Variants in CMTR1 observed in about 807,000 individuals in gnomAD.
CMTR1 encodes the protein cap methyltransferase 1.
CMTR1 carries 39 observed loss-of-function variants against 107.0 expected under a neutral mutation model. The ratio of observed to expected loss-of-function variants is 0.36; its 90% confidence interval spans 0.28 to 0.48. The LOEUF is 0.48. Ranked by LOEUF, CMTR1 falls within the 20% of genes least tolerant of loss-of-function variation. CMTR1 has a pLI of 0.99. For synonymous variants in CMTR1, 366 were observed against 379.5 expected (o/e 0.96, Z 0.41); for missense variants, 672 against 1,064.9 (o/e 0.63, Z 5.14).
intron 4 of CMTR1, 54 bp from the exon 5 acceptor site, chr6:37,450,197 T>G: frequency 6.8e-7 from 1 of 1,461,588 alleles, no homozygotes; most frequent in South Asian, 1.1e-5. Flanking sequence ...TGAGTTGGGG[T>G]TTAGCTTTGA....
chr6:37,432,603 G>C (rs143980030), upstream of CMTR1, among the ~76,000 whole-genome samples: 3 of 152,362 alleles, frequency 2.0e-5, no homozygotes, highest in East Asian at 5.8e-4. Flanking sequence ...TGGACCAACA[G>C]GATGGATGGC....
upstream of CMTR1, among the ~76,000 whole-genome samples, chr6:37,431,626 T>G (rs1771375115): frequency 6.6e-6 from 1 of 152,116 alleles, no homozygotes; most frequent in Admixed American, 6.5e-5. Flanking sequence ...AGTGCTTTGA[T>G]AGTGGAAGGA....
At chr6:37,442,524 C>T (rs913678382) in intron 2 of CMTR1, among the ~76,000 whole-genome samples, 1 of 152,178 alleles carries the variant, frequency 6.6e-6, no homozygotes, top group African/African-American at 2.4e-5. Flanking sequence ...CAGACTGTGA[C>T]ATAGTTCCTG....
chr6:37,458,187 T>G lies in CMTR1; in HGVS notation c.778-425T>G, dbSNP rs886297797. 6.6e-6 allele frequency among the ~76,000 whole-genome samples: 1 copy of G among 151,996 alleles called. No homozygotes were observed. The highest frequency in any genetic ancestry group is 2.4e-5 in the African/African-American group (1 of 41,378). On this transcript the variant is annotated intron_variant, in intron 8 of 23. Transcript: ENST00000373451. The surrounding 1 kb of genome is among the most constrained non-coding windows in gnomAD (Gnocchi z 4.7). ...CTCATGCCTCAGCCTCCCGAGTAGC[T>G]GGGTTTACAGGTGTGCGCCACCACA...
intron 13 of CMTR1, among the ~76,000 whole-genome samples, chr6:37,469,771 G>A (rs1320424009): frequency 1.3e-5 from 2 of 151,612 alleles, no homozygotes; most frequent in African/African-American, 2.4e-5. Context: ...CAGGTGATCC[G>A]CCAACCTTAA....
intron 2 of CMTR1, 98 bp downstream of exon 2, chr6:37,435,860 G>A: frequency 2.3e-6 from 3 of 1,279,890 alleles, no homozygotes; most frequent in Non-Finnish European, 3.1e-6. Flanking sequence ...ACTGCCCCTT[G>A]GTCCCTTGAG....
rs548248584 is a variant in CMTR1 at position 37,473,692 on chromosome 6, T to C, written c.1821+91T>C. The C allele has an allele frequency of 6.2e-6, 9 of 1,452,350 alleles. No homozygotes were observed. The African/African-American group carries it at 1.1e-4, about 18-fold the overall frequency. 90.0% of individuals were successfully genotyped at this position (1,452,350 alleles called of 1,614,324 possible). A position where few individuals can be genotyped will look rare whatever the true frequency, so the allele number is the denominator to read the frequency against. On this transcript the variant is annotated intron_variant, in intron 17 of 23. Coordinates refer to ENST00000373451, the MANE Select transcript of CMTR1 (RefSeq NM_015050.3). ...AGCTGCCTGCCACACTTGGTACATGTTCTCTTGGCATTAAGTAGCTGTTGC... is the reference window on the plus strand; with the variant it reads ...AGCTGCCTGCCACACTTGGTACATGCTCTCTTGGCATTAAGTAGCTGTTGC...
intron 17 of CMTR1, among the ~76,000 whole-genome samples, chr6:37,473,996 C>T (rs1404016752): frequency 6.6e-6 from 1 of 152,178 alleles, no homozygotes; most frequent in Non-Finnish European, 1.5e-5. Flanking sequence ...CTACCCTGGG[C>T]CCCCTGGAGT....
rs567817331 is a variant in CMTR1 at position 37,450,481 on chromosome 6, G to T, written c.537+138G>T. The T allele has an allele frequency of 6.4e-5, 44 of 686,800 alleles. No individual in the cohort carries two copies. In the African/African-American group the frequency reaches 7.6e-4, roughly 12 times the overall value. The allele number at this position is 686,800 out of a possible 1,614,324, so 42.5% of individuals were successfully genotyped here. The stretch of plus-strand genomic sequence containing the variant: ...TTCATGTTGGTAGGAATAAAACTGT[G>T]TCAAGAGGGAGTGTCATGAGCTTTA... On this transcript the variant is annotated intron_variant, in intron 5 of 23. Transcript: ENST00000373451.
intron 20 of CMTR1, among the ~76,000 whole-genome samples, chr6:37,476,568 T>C (rs754837515): frequency 7.9e-5 from 12 of 152,056 alleles, no homozygotes; most frequent in Non-Finnish European, 1.3e-4. Flanking sequence ...ATTTTGAACA[T>C]GAAAAAGAGA....
chr6:37,478,360 C>T (rs1184392949), intron 21 of CMTR1, 49 bp from the exon 22 acceptor site: 1 of 1,410,288 alleles, frequency 7.1e-7, no homozygotes, highest in Admixed American at 1.7e-5. Context: ...CTAATTTTAT[C>T]AGCCAGGGCC....
At chr6:37,444,329 A>G (rs544634317) in intron 3 of CMTR1, among the ~76,000 whole-genome samples, 179 bp downstream of exon 3, 2 of 152,350 alleles carry the variant, frequency 1.3e-5, no homozygotes, top group East Asian at 3.9e-4. Flanking sequence ...CATTTGTATC[A>G]TCTATAGGCA....
intron 13 of CMTR1, among the ~76,000 whole-genome samples, chr6:37,463,473 C>G (rs574174689): frequency 1.3e-5 from 2 of 152,238 alleles, no homozygotes; most frequent in South Asian, 4.2e-4. Flanking sequence ...GCTGGTGATC[C>G]AAATGCTGTT....
chr6:37,476,585 G>C (rs1454916174), intron 20 of CMTR1, among the ~76,000 whole-genome samples: 1 of 151,870 alleles, frequency 6.6e-6, no homozygotes, highest in African/African-American at 2.4e-5. Flanking sequence ...GAGAAGGATT[G>C]TTTGAGGGAA....
intron 4 of CMTR1, among the ~76,000 whole-genome samples, 178 bp downstream of exon 4, chr6:37,446,627 T>G (rs933408112): frequency 1.1e-4 from 17 of 152,152 alleles, no homozygotes; most frequent in African/African-American, 4.1e-4. Context: ...CTGGGGGAGA[T>G]ATGGTGGGAT....
intron 4 of CMTR1, among the ~76,000 whole-genome samples, chr6:37,447,409 A>G (rs527483974): frequency 2.0e-5 from 3 of 152,332 alleles, no homozygotes; most frequent in South Asian, 2.1e-4. Flanking sequence ...CAGACTGGCA[A>G]TGCGGAACAG....
intron 13 of CMTR1, among the ~76,000 whole-genome samples, chr6:37,468,307 TTG>T (rs1469383339): frequency 6.6e-6 from 1 of 152,168 alleles, no homozygotes; most frequent in Non-Finnish European, 1.5e-5. Context: ...TCTTTTGTCT[TTG>T]TGTTTTTGTT....
chr6:37,480,671 T>G lies in CMTR1; in HGVS notation c.*526T>G. 9.8e-7 allele frequency: 1 copy of G among 1,024,662 alleles called. No homozygotes were observed. Among genetic ancestry groups the G allele is most frequent in the Non-Finnish European group, 1.2e-6 (1 of 855,622 alleles). 63.5% of individuals were successfully genotyped at this position (1,024,662 alleles called of 1,614,324 possible). A position where few individuals can be genotyped will look rare whatever the true frequency, so the allele number is the denominator to read the frequency against. ...TTGTTTCTTTGAACTTACTCTGTTT[T>G]GATGCCAAATTGGAGACCATTTTCT... On this transcript the variant is annotated 3_prime_UTR_variant, in exon 24 of 24. Coordinates refer to ENST00000373451, the MANE Select transcript of CMTR1 (RefSeq NM_015050.3).
In CMTR1 at chr6:37,439,408, C is replaced by T. The variant is rs575034858; in HGVS notation, c.133+3646C>T. On this transcript the variant is annotated intron_variant, in intron 2 of 23. Coordinates refer to ENST00000373451, the MANE Select transcript of CMTR1 (RefSeq NM_015050.3). ...CTTAGCTGTGCATCTGGTGTAGGCT[C>T]CTAGCCCTGCTGCAGCCAGTTGCTT... Among the ~76,000 whole-genome samples the T allele has an allele frequency of 2.0e-5, 3 of 152,256 alleles. No homozygotes were observed. In the East Asian group the frequency reaches 5.8e-4, roughly 29 times the overall value.
Sources: gnomAD v4.1 joint callset for allele counts (sites outside exome capture counted in the v4.1 genomes callset) on GRCh38, gnomAD v4.1.1 for gene constraint, Gnocchi (gnomAD v3.1) non-coding constraint, MANE v1.5 for transcripts, NCBI Gene and HGNC (gene_info 2026-07-23, HGNC 2026-07-21) for gene names.